The following VWA8 variants were observed in gnomAD, a reference collection of about 807,000 sequenced individuals.
VWA8 encodes von Willebrand factor A domain-containing protein 8.
VWA8 carries 221 observed loss-of-function variants against 241.5 expected under a neutral mutation model. The ratio of observed to expected loss-of-function variants is 0.91; its 90% CI spans 0.82 to 1.02. The LOEUF (loss-of-function observed/expected upper bound fraction) is 1.02, where lower values mean the gene tolerates loss of function less well. VWA8 is among the 50% of genes least tolerant of loss of function. The pLI, the probability that VWA8 is intolerant of heterozygous loss-of-function variation, is 0.00. For synonymous variants in VWA8, 852 were observed against 827.1 expected (o/e 1.03, Z -0.52); for missense variants, 2,322 against 2,328.7 (o/e 1.00, Z 0.06).
At chr13:41,819,196 C>T in intron 15 of VWA8, 22 bp downstream of exon 15, 2 of 1,584,552 alleles carry the variant, frequency 1.3e-6, no homozygotes, top group Non-Finnish European at 1.7e-6. Flanking sequence ...AGAAAATAGA[C>T]TAAGATTGGC....
intron 42 of VWA8, among the ~76,000 whole-genome samples, chr13:41,578,243 T>A (rs923017882): frequency 6.6e-6 from 1 of 152,190 alleles, no homozygotes; most frequent in East Asian, 1.9e-4. Flanking sequence ...TGGTGAGTAC[T>A]GCAAAGGCTT....
intron 21 of VWA8, among the ~76,000 whole-genome samples, chr13:41,746,921 A>G (rs117892565): frequency 0.03 from 4,604 of 152,292 alleles, 103 homozygotes; most frequent in Non-Finnish European, 0.048. Context: ...CTTTAGTGAC[A>G]TACTTACTGC....
At chr13:41,851,590 C>T (rs1872535562) in intron 12 of VWA8, among the ~76,000 whole-genome samples, 1 of 152,142 alleles carries the variant, frequency 6.6e-6, no homozygotes, top group South Asian at 2.1e-4. Context: ...GGGGTTTCCA[C>T]TTTCACTTCT....
chr13:41,790,153 A>G (rs184790821), intron 17 of VWA8, among the ~76,000 whole-genome samples: 282 of 152,230 alleles, frequency 1.9e-3, no homozygotes, highest in African/African-American at 6.3e-3. Context: ...GAAGGTCTCA[A>G]TTTTTTAAAT....
At chr13:41,707,139 G>A (rs1227553343) in intron 26 of VWA8, among the ~76,000 whole-genome samples, 1 of 152,026 alleles carries the variant, frequency 6.6e-6, no homozygotes, top group Non-Finnish European at 1.5e-5. Context: ...GAACAAAAAA[G>A]GTTTTCTTTT....
intron 9 of VWA8, among the ~76,000 whole-genome samples, chr13:41,880,980 T>C (rs1225063942): frequency 3.9e-5 from 6 of 152,182 alleles, no homozygotes; most frequent in Non-Finnish European, 7.4e-5. Flanking sequence ...TGCCAAATGG[T>C]GTTTTTTCTA....
chr13:41,853,375 G>C (rs1053406835), intron 12 of VWA8, among the ~76,000 whole-genome samples: 5 of 152,012 alleles, frequency 3.3e-5, no homozygotes, highest in African/African-American at 1.2e-4. Flanking sequence ...TGGTATCAGG[G>C]TAATAATGGT....
At chr13:41,574,393 C>T (rs2044337787) in intron 43 of VWA8, among the ~76,000 whole-genome samples, 1 of 151,542 alleles carries the variant, frequency 6.6e-6, no homozygotes, top group Non-Finnish European at 1.5e-5. Flanking sequence ...ACAAGGAAAA[C>T]TACAAAACAC....
At chr13:41,954,227 T>C (rs997795337) in intron 1 of VWA8, among the ~76,000 whole-genome samples, 1 of 151,880 alleles carries the variant, frequency 6.6e-6, no homozygotes, top group Non-Finnish European at 1.5e-5. Flanking sequence ...AAACACCATA[T>C]ACAACTAATT....
At chr13:41,747,722 T>C (rs931487682) in intron 21 of VWA8, among the ~76,000 whole-genome samples, 4 of 152,192 alleles carry the variant, frequency 2.6e-5, no homozygotes, top group African/African-American at 4.8e-5. Flanking sequence ...CAGTATGATA[T>C]TGGCTGCGGG....
At chr13:41,710,393 T>C (rs1243127199) in intron 26 of VWA8, among the ~76,000 whole-genome samples, 2 of 152,210 alleles carry the variant, frequency 1.3e-5, no homozygotes, top group African/African-American at 4.8e-5. Flanking sequence ...TTCATAGATC[T>C]TGAAAATTTC....
chr13:41,625,277 C>A (rs1263314411), intron 37 of VWA8, among the ~76,000 whole-genome samples: 3 of 152,082 alleles, frequency 2.0e-5, no homozygotes, highest in Non-Finnish European at 4.4e-5. Flanking sequence ...GAGAAACTAC[C>A]ATCAGAGTGA....
chr13:41,670,948 G>A lies in VWA8; in HGVS notation c.4609C>T (p.Gln1537Ter). Residue 1537 changes from glutamine to a stop codon, truncating the protein, a stop_gained and splice_region_variant, in exon 37 of 45, where the codon CAG (glutamine) becomes TAG (stop). Coordinates refer to ENST00000379310, the MANE Select transcript of VWA8 (RefSeq NM_015058.2). LOFTEE classifies it high-confidence loss of function. ...NMIGQDDRNM[Q>*]ITINRDSGED... ...GATAAGGTGAATTCAAATGGTACCTGCATATTTCTGTCATCTTGTCCAATC... is the reference window on the plus strand; with the variant it reads ...GATAAGGTGAATTCAAATGGTACCTACATATTTCTGTCATCTTGTCCAATC... 1.9e-6 allele frequency: 3 copies of A among 1,613,398 alleles called. No homozygotes were observed. The highest frequency in any genetic ancestry group is 2.5e-6 in the Non-Finnish European group (3 of 1,179,726).
intron 21 of VWA8, among the ~76,000 whole-genome samples, chr13:41,757,144 A>G (rs996677580): frequency 6.6e-6 from 1 of 151,068 alleles, no homozygotes; most frequent in South Asian, 2.1e-4. Flanking sequence ...AAAGGAGAGG[A>G]AAAAAAAAGA....
intron 17 of VWA8, among the ~76,000 whole-genome samples, chr13:41,799,994 G>C (rs1869875936): frequency 6.6e-6 from 1 of 152,068 alleles, no homozygotes; most frequent in Non-Finnish European, 1.5e-5. Context: ...CTGTCTCTAT[G>C]GATTTGCTCT....
intron 42 of VWA8, among the ~76,000 whole-genome samples, 173 bp from the exon 43 acceptor site, chr13:41,576,011 G>A (rs1486508523): frequency 1.3e-5 from 2 of 152,194 alleles, no homozygotes; most frequent in African/African-American, 4.8e-5. Flanking sequence ...CTATGTACAT[G>A]AGAAACTCTT....
At chr13:41,784,159 A>C (rs995697293) in intron 18 of VWA8, among the ~76,000 whole-genome samples, 4 of 152,072 alleles carry the variant, frequency 2.6e-5, no homozygotes, top group African/African-American at 9.7e-5. Context: ...AAAAAAACAA[A>C]ACAAAAAACC....
At chr13:41,594,328 C>CT (rs1480858744) in intron 40 of VWA8, among the ~76,000 whole-genome samples, 1 of 151,502 alleles carries the variant, frequency 6.6e-6, no homozygotes. Context: ...GGGGATCTTG[C>CT]TATATTGCCC....
intron 21 of VWA8, among the ~76,000 whole-genome samples, chr13:41,745,431 T>C (rs950536981): frequency 3.3e-5 from 5 of 152,142 alleles, no homozygotes; most frequent in Non-Finnish European, 5.9e-5. Context: ...ACGTACAGAA[T>C]GGGAGAAAAT....
Sources: allele counts gnomAD v4.1 joint callset (sites outside exome capture counted in the v4.1 genomes callset), GRCh38; gene constraint gnomAD v4.1.1; transcripts MANE v1.5; gene names NCBI Gene and HGNC (gene_info 2026-07-23, HGNC 2026-07-21).